The following ITGAD variants were observed in gnomAD, a reference collection of about 807,000 sequenced individuals.
ITGAD encodes integrin alpha-D.
Under a neutral mutation model 139.0 loss-of-function variants are expected in ITGAD, and 105 were observed. The ratio of observed to expected loss-of-function variants is 0.76; its 90% CI spans 0.65 to 0.89. The LOEUF (loss-of-function observed/expected upper bound fraction) is 0.89. Ranked by LOEUF, ITGAD falls within the 40% of genes least tolerant of loss-of-function variation. The pLI is 0.00. For synonymous variants in ITGAD, 569 were observed against 598.3 expected, an observed-to-expected ratio of 0.95 and a Z score of 0.71; for missense variants, 1,384 against 1,487.3, an observed-to-expected ratio of 0.93 and a Z score of 1.14.
chr16:31,407,131 A>G (rs935096601), intron 7 of ITGAD, among the ~76,000 whole-genome samples: 1 of 152,184 alleles, frequency 6.6e-6, no homozygotes, highest in African/African-American at 2.4e-5. Flanking sequence ...AGGCTGGTGG[A>G]TCACTTGATG....
rs571801633 is a variant in ITGAD, at chr16:31,393,672, G to C, written c.31+281G>C. On this transcript the variant is annotated intron_variant, in intron 1 of 29. Coordinates refer to ENST00000389202, the MANE Select transcript of ITGAD (RefSeq NM_005353.3). Reference sequence around the variant, plus strand: ...CATGGAGTCCCTGGTGTGGGTGACAGAGGTCTCCCCAGCCTCCCCCGGGAG... The same window carrying C: ...CATGGAGTCCCTGGTGTGGGTGACACAGGTCTCCCCAGCCTCCCCCGGGAG... Among the ~76,000 whole-genome samples the C allele has an allele frequency of 5.3e-5, 8 of 152,220 alleles. No individual in the cohort carries two copies. The East Asian group carries it at 1.4e-3, about 26-fold the overall frequency.
chr16:31,394,376 C>T (rs776742678), intron 2 of ITGAD, 35 bp downstream of exon 2: 5 of 1,502,858 alleles, frequency 3.3e-6, no homozygotes, highest in Non-Finnish European at 4.6e-6. Context: ...CCAACCTCCA[C>T]TACATCAAGT....
chr16:31,400,643 C>T (rs185818796), intron 5 of ITGAD, among the ~76,000 whole-genome samples: 11 of 152,258 alleles, frequency 7.2e-5, no homozygotes, highest in East Asian at 1.9e-4. Flanking sequence ...CTCACTCTGT[C>T]GCCCAGGCTG....
At chr16:31,423,741 C>T in intron 26 of ITGAD, 93 bp downstream of exon 26, 1 of 1,515,460 alleles carries the variant, frequency 6.6e-7, no homozygotes, top group South Asian at 1.1e-5. Flanking sequence ...CGTGCATGTC[C>T]TGTAACTGCT....
rs534769337 is a variant in ITGAD, at chr16:31,411,399, T to A, written c.1589T>A (p.Val530Glu). 4.3e-6 allele frequency: 7 copies of A among 1,613,786 alleles called. No individual in the cohort carries two copies. The highest frequency in any genetic ancestry group is 5.9e-6 in the Non-Finnish European group (7 of 1,179,900). ...FGAALTVLGD[V>E]NEDKLIDVAI... ...GCAGCCCTGACAGTGTTGGGGGATGTGAATGAGGACAAGCTGATAGACGTG... is the reference window on the plus strand; with the variant it reads ...GCAGCCCTGACAGTGTTGGGGGATGAGAATGAGGACAAGCTGATAGACGTG... Residue 530 changes from valine to glutamate, a missense_variant, in exon 14 of 30, where the codon GTG (valine) becomes GAG (glutamate). Val to Glu is a moderately radical substitution (Grantham distance 121). Coordinates refer to ENST00000389202, the MANE Select transcript of ITGAD (RefSeq NM_005353.3).
Position 31,417,993 on chromosome 16 carries a change from T to C in ITGAD, c.2500-82T>C, listed in dbSNP as rs578207519. On this transcript the variant is annotated intron_variant, in intron 20 of 29. Coordinates refer to ENST00000389202, the MANE Select transcript of ITGAD (RefSeq NM_005353.3). Reference sequence around the variant, plus strand: ...AAGAAAAGTCTGTCATTTTCCCTAGTGCTCTGCAGTGCCACCACTGCTGTG... The same window carrying C: ...AAGAAAAGTCTGTCATTTTCCCTAGCGCTCTGCAGTGCCACCACTGCTGTG... 27 of 1,031,840 alleles carry C rather than the reference T, an allele frequency of 2.6e-5. No individual in the cohort carries two copies. The East Asian group carries it at 3.6e-4, about 14-fold the overall frequency. 63.9% of individuals were successfully genotyped at this position (1,031,840 alleles called of 1,614,324 possible).
In ITGAD at chr16:31,394,318, C is replaced by A. The variant is rs750241467; in HGVS notation, c.114C>A (p.Ser38Arg). The change falls in exon 2 of 30, where the codon AGC becomes AGA. Residue 38 changes from serine to arginine, a missense_variant. Coordinates refer to ENST00000389202, the MANE Select transcript of ITGAD (RefSeq NM_005353.3). ...AGGATGCAGGCGGCTTTGGGCAGAG[C>A]GTGGTGCAGTTCGGTGGATCTCGGT... ...FQEDAGGFGQ[S>R]VVQFGGSRLV... The A allele has an allele frequency of 5.6e-6, 9 of 1,613,058 alleles. No individual in the cohort carries two copies. The highest frequency in any genetic ancestry group is 7.6e-6 in the Non-Finnish European group (9 of 1,179,492).
At chr16:31,421,800 A>C (rs1056716738) in intron 23 of ITGAD, among the ~76,000 whole-genome samples, 5 of 152,012 alleles carry the variant, frequency 3.3e-5, no homozygotes, top group Admixed American at 2.0e-4. Context: ...ATGTGAACCT[A>C]GGCGGTTTGA....
chr16:31,420,129 T>G (rs548355485), intron 23 of ITGAD, among the ~76,000 whole-genome samples: 1 of 152,312 alleles, frequency 6.6e-6, no homozygotes, highest in East Asian at 1.9e-4. Context: ...GGGGAGCTTG[T>G]GCCCAACAGG....
In ITGAD at chr16:31,410,869, A is replaced by G. The variant is rs1350534431; in HGVS notation, c.1347A>G (p.Thr449=). The G allele has an allele frequency of 2.0e-6, 3 of 1,492,880 alleles. No homozygotes were observed. The highest frequency in any genetic ancestry group is 5.6e-5 in the East Asian group (2 of 35,546). The allele number at this position is 1,492,880 out of a possible 1,614,324, so 92.5% of individuals were successfully genotyped here. The part of the protein sequence containing the change: ...SRQWRKKAEV[T]GTQIGSYFGA... ...AATGGAGGAAGAAGGCCGAAGTCAC[A>G]GGGACGCAGGTTGGGCGTGACAGGA... Residue 449 remains threonine, a synonymous_variant, in exon 12 of 30, where the codon ACA becomes ACG. Transcript: ENST00000389202.
Position 31,426,247 on chromosome 16 carries a change from G to A in ITGAD, c.*119G>A, listed in dbSNP as rs2082113453. Reference sequence around the variant, plus strand: ...CACTGGCCTAAGCAACCTACCAGGTGCTAAGCACCTTCTCGGAGAGATAGA... The same window carrying A: ...CACTGGCCTAAGCAACCTACCAGGTACTAAGCACCTTCTCGGAGAGATAGA... On this transcript the variant is annotated 3_prime_UTR_variant, in exon 30 of 30. Transcript: ENST00000389202. The A allele has an allele frequency of 1.5e-6, 1 of 674,638 alleles. No individual in the cohort carries two copies. Among genetic ancestry groups the A allele is most frequent in the Non-Finnish European group, 2.7e-6 (1 of 369,236 alleles). 41.8% of individuals were successfully genotyped at this position (674,638 alleles called of 1,614,324 possible).
At chr16:31,422,086 A>G (rs1377701501) in intron 23 of ITGAD, among the ~76,000 whole-genome samples, 4 of 148,904 alleles carry the variant, frequency 2.7e-5, no homozygotes, top group Admixed American at 2.0e-4. Context: ...GTGTGCCACC[A>G]CTTGCAGCTA....
chr16:31,416,661 A>G lies in ITGAD; in HGVS notation c.2499+15A>G. The G allele has an allele frequency of 6.3e-7, 1 of 1,596,098 alleles. No homozygotes were observed. Among genetic ancestry groups the G allele is most frequent in the South Asian group, 1.1e-5 (1 of 90,500 alleles). On this transcript the variant is annotated intron_variant, in intron 20 of 29. Coordinates refer to ENST00000389202, the MANE Select transcript of ITGAD (RefSeq NM_005353.3). ...CAGGAGCCCAGGTAACAACTGCTGT[A>G]GGCTCTAGTGGGAGGGGGCCTCTCC...
intron 7 of ITGAD, chr16:31,404,150 T>G (rs1372620537): frequency 6.4e-6 from 1 of 156,812 alleles, no homozygotes; most frequent in African/African-American, 2.4e-5. Context: ...AGTCAGGGAC[T>G]CAGGAATTGT....
rs1162070787 is a variant in ITGAD at position 31,403,743 on chromosome 16, G to A, written c.704+98G>A. The A allele has an allele frequency of 3.4e-6, 5 of 1,481,706 alleles. No homozygotes were observed. Among genetic ancestry groups the A allele is most frequent in the Non-Finnish European group, 4.6e-6 (5 of 1,080,800 alleles). The allele number at this position is 1,481,706 out of a possible 1,614,324, so 91.8% of individuals were successfully genotyped here. Reference sequence around the variant, plus strand: ...TTCTCAGAGGCTGAGGGAGGCTCCAGGGAAAGGGGCTACCAAGGGGCATGT... The same window carrying A: ...TTCTCAGAGGCTGAGGGAGGCTCCAAGGAAAGGGGCTACCAAGGGGCATGT... On this transcript the variant is annotated intron_variant, in intron 7 of 29. Transcript: ENST00000389202. This position sits in a 1 kb window ranked among gnomAD's most constrained non-coding sequence, Gnocchi z 4.4.
chr16:31,410,699 G>A (rs2081671989), intron 11 of ITGAD, 37 bp from the exon 12 acceptor site: 2 of 1,562,808 alleles, frequency 1.3e-6, no homozygotes, highest in Non-Finnish European at 1.7e-6. Context: ...TGGGGAGGGG[G>A]AATGGGGGCC....
At position 31,410,526 on chromosome 16, in the gene ITGAD, T is replaced by C. The variant is rs373291006; in HGVS notation, c.1213+2T>C. 1.6e-5 allele frequency: 26 copies of C among 1,606,254 alleles called. No homozygotes were observed. Among genetic ancestry groups the C allele is most frequent in the Non-Finnish European group, 2.2e-5 (26 of 1,178,732 alleles). On this transcript the variant is annotated splice_donor_variant, in intron 11 of 29. Coordinates refer to ENST00000389202, the MANE Select transcript of ITGAD (RefSeq NM_005353.3). LOFTEE classifies it high-confidence loss of function. ...TGGACATGAGGGACTCTTACCTGGG[T>C]GAGAAACGGCCAGGGGTTGGGGACA...
intron 23 of ITGAD, among the ~76,000 whole-genome samples, chr16:31,421,336 G>T (rs2082002092): frequency 6.6e-6 from 1 of 150,918 alleles, no homozygotes; most frequent in South Asian, 2.1e-4. Context: ...GCGCACGGTG[G>T]CTCGTGCCTG....
At position 31,411,135 on chromosome 16, in the gene ITGAD, C is replaced by G; in HGVS notation, c.1416C>G (p.Thr472=). 3 of 1,613,432 alleles carry G rather than the reference C, an allele frequency of 1.9e-6. No homozygotes were observed. Among genetic ancestry groups the G allele is most frequent in the Non-Finnish European group, 2.5e-6 (3 of 1,179,774 alleles). Residue 472 remains threonine, a synonymous_variant, in exon 13 of 30, where the codon ACC becomes ACG. Coordinates refer to ENST00000389202, the MANE Select transcript of ITGAD (RefSeq NM_005353.3). The part of the protein sequence containing the change: ...CSVDVDSDGS[T]DLILIGAPHY... ...TGGATGTGGACAGCGATGGCAGCAC[C>G]GACCTGATCCTCATTGGGGCCCCCC...
Sources: allele counts gnomAD v4.1 joint callset (sites outside exome capture counted in the v4.1 genomes callset), GRCh38; gene constraint gnomAD v4.1.1; non-coding constraint Gnocchi (gnomAD v3.1); transcripts MANE v1.5; gene names NCBI Gene and HGNC (gene_info 2026-07-23, HGNC 2026-07-21).